GRM8: variants seen among roughly 807,000 people sequenced by gnomAD.
The protein encoded by GRM8 is glutamate metabotropic receptor 8.
GRM8 carries 47 observed loss-of-function variants against 87.2 expected under a neutral mutation model. That is an observed-to-expected ratio of 0.54 (90% CI 0.43 to 0.69). The LOEUF (loss-of-function observed/expected upper bound fraction) is 0.69, where lower values mean the gene tolerates loss of function less well. Ranked by LOEUF, GRM8 falls within the 30% of genes least tolerant of loss-of-function variation. The probability of loss-of-function intolerance (pLI) is 0.00; values close to 1 mark genes in which losing one functional copy is unlikely to be tolerated. For missense variants in GRM8, 1,019 were observed against 1,139.2 expected (o/e 0.89, Z 1.52); for synonymous variants, 396 against 404.5 (o/e 0.98, Z 0.25).
At chr7:126,719,204 T>G (rs1390410408) in intron 7 of GRM8, among the ~76,000 whole-genome samples, 5 of 151,910 alleles carry the variant, frequency 3.3e-5, no homozygotes, top group Non-Finnish European at 7.4e-5. Flanking sequence ...AATGAGATAA[T>G]ATTGATGGGA....
chr7:127,189,733 G>C (rs1329888689), intron 2 of GRM8, among the ~76,000 whole-genome samples: 3 of 152,166 alleles, frequency 2.0e-5, no homozygotes, highest in African/African-American at 7.2e-5. Flanking sequence ...ATGAACAACT[G>C]AGCCTTACAG....
intron 7 of GRM8, among the ~76,000 whole-genome samples, chr7:126,654,860 T>C (rs1381453293): frequency 1.3e-5 from 2 of 152,156 alleles, no homozygotes; most frequent in Non-Finnish European, 2.9e-5. Flanking sequence ...AAAGCTTAAT[T>C]AATGAAGAAT....
intron 6 of GRM8, among the ~76,000 whole-genome samples, chr7:126,866,209 C>G (rs554719886): frequency 6.6e-6 from 1 of 152,206 alleles, no homozygotes; most frequent in South Asian, 2.1e-4. Flanking sequence ...TCCTTATTGG[C>G]CATTTCTATA....
At chr7:127,017,948 A>G (rs1241603472) in intron 3 of GRM8, among the ~76,000 whole-genome samples, 1 of 152,124 alleles carries the variant, frequency 6.6e-6, no homozygotes, top group East Asian at 1.9e-4. Flanking sequence ...TATATTCATT[A>G]TTAATTTATT....
chr7:126,698,768 C>A (rs555968120), intron 7 of GRM8, among the ~76,000 whole-genome samples: 1 of 152,114 alleles, frequency 6.6e-6, no homozygotes, highest in Non-Finnish European at 1.5e-5. Context: ...ACCTTCGTAA[C>A]CCCAATAGAG....
chr7:126,797,018 T>C (rs946370371), intron 6 of GRM8, among the ~76,000 whole-genome samples: 2 of 152,120 alleles, frequency 1.3e-5, no homozygotes, highest in Non-Finnish European at 2.9e-5. Flanking sequence ...TCCTTTTGAA[T>C]GGGAGAGTCT....
At chr7:126,928,314 T>C (rs977988116) in intron 3 of GRM8, among the ~76,000 whole-genome samples, 3 of 152,154 alleles carry the variant, frequency 2.0e-5, no homozygotes, top group Non-Finnish European at 1.5e-5. Flanking sequence ...CCATGGCACA[T>C]GTATACCTAT....
intron 7 of GRM8, among the ~76,000 whole-genome samples, chr7:126,737,548 C>T (rs538983726): frequency 2.2e-4 from 34 of 152,112 alleles, no homozygotes; most frequent in Non-Finnish European, 4.0e-4. Flanking sequence ...GATAAATCGG[C>T]TCTGTCTAGG....
chr7:126,876,767 T>C (rs938796153), intron 6 of GRM8, among the ~76,000 whole-genome samples: 8 of 152,172 alleles, frequency 5.3e-5, no homozygotes, highest in Non-Finnish European at 1.0e-4. Flanking sequence ...AGAGTACTTA[T>C]TCGTAGAATT....
chr7:126,761,993 T>C (rs1817627969), intron 7 of GRM8, among the ~76,000 whole-genome samples: 1 of 152,166 alleles, frequency 6.6e-6, no homozygotes, highest in Admixed American at 6.6e-5. Context: ...TCATATCACT[T>C]ATCAAATTGA....
At chr7:126,754,467 C>A (rs539910271) in intron 7 of GRM8, among the ~76,000 whole-genome samples, 1 of 151,800 alleles carries the variant, frequency 6.6e-6, no homozygotes, top group African/African-American at 2.4e-5. Context: ...GAAACATTTT[C>A]GGTAAATGCC....
intron 6 of GRM8, among the ~76,000 whole-genome samples, chr7:126,894,035 A>C (rs1801311794): frequency 6.6e-6 from 1 of 152,076 alleles, no homozygotes; most frequent in African/African-American, 2.4e-5. Context: ...ATAGAGAAGA[A>C]ATATTATTTT....
chr7:126,940,130 T>A (rs958062602), intron 3 of GRM8, among the ~76,000 whole-genome samples: 1 of 152,140 alleles, frequency 6.6e-6, no homozygotes, highest in Admixed American at 6.5e-5. Context: ...GGAAAATGAG[T>A]CTTTTTCTTT....
At chr7:127,076,290 C>T (rs2132727129) in intron 3 of GRM8, 2 of 439,230 alleles carry the variant, frequency 4.6e-6, no homozygotes, top group East Asian at 7.0e-5. Context: ...CTGTAATATA[C>T]ATTAAACAGA....
intron 3 of GRM8, among the ~76,000 whole-genome samples, chr7:127,025,749 T>C (rs183683705): frequency 6.6e-6 from 1 of 152,112 alleles, no homozygotes; most frequent in Non-Finnish European, 1.5e-5. Flanking sequence ...TTTTCTCTAT[T>C]AGCTGTATCA....
intron 7 of GRM8, among the ~76,000 whole-genome samples, chr7:126,647,334 GATAGATAGATATAGAT>G (rs1803251402): frequency 3.2e-5 from 2 of 61,692 alleles, no homozygotes; most frequent in African/African-American, 4.8e-5. Context: ...TAGATAGATA[GATAGATAGATATAGAT>G]ATAGATAGAT....
chr7:126,484,734 C>T (rs1042114331), intron 9 of GRM8, among the ~76,000 whole-genome samples: 9 of 151,882 alleles, frequency 5.9e-5, no homozygotes, highest in African/African-American at 1.5e-4. Flanking sequence ...ACCTCTTCCA[C>T]GGAAATCAAA....
chr7:126,947,087 T>C (rs1807619378), intron 3 of GRM8, among the ~76,000 whole-genome samples: 1 of 152,208 alleles, frequency 6.6e-6, no homozygotes, highest in African/African-American at 2.4e-5. Context: ...TCTTCTAGCA[T>C]GGTGTGTCAT....
At chr7:127,222,406 T>C (rs1011727315) in intron 2 of GRM8, among the ~76,000 whole-genome samples, 1 of 152,160 alleles carries the variant, frequency 6.6e-6, no homozygotes, top group Non-Finnish European at 1.5e-5. Context: ...ATACCCTGTC[T>C]CAAAACATAA....
Sources: allele counts gnomAD v4.1 joint callset (sites outside exome capture counted in the v4.1 genomes callset), GRCh38; gene constraint gnomAD v4.1.1; transcripts MANE v1.5; gene names NCBI Gene and HGNC (gene_info 2026-07-23, HGNC 2026-07-21).